SPOUT1: variants seen among roughly 807,000 people sequenced by gnomAD.
SPOUT1 encodes SPOUT domain containing methyltransferase 1, also known as 28S rRNA (uridine-N(3))-methyltransferase.
Under a neutral mutation model 54.8 loss-of-function variants are expected in SPOUT1, and 40 were observed. The observed-to-expected ratio is 0.73, with a 90% CI of 0.57 to 0.95. The LOEUF (loss-of-function observed/expected upper bound fraction) is 0.95. Ranked by LOEUF, SPOUT1 falls within the 40% of genes least tolerant of loss-of-function variation. SPOUT1 has a pLI of 0.00. For missense variants in SPOUT1, 437 were observed against 499.5 expected, an observed-to-expected ratio of 0.87 and a Z score of 1.19; for synonymous variants, 193 against 200.3, an observed-to-expected ratio of 0.96 and a Z score of 0.31.
intron 2 of SPOUT1, 66 bp downstream of exon 2, chr9:128,829,044 T>A (rs1830297201): frequency 6.5e-7 from 1 of 1,537,220 alleles, no homozygotes; most frequent in Non-Finnish European, 9.0e-7. Flanking sequence ...GGTGTCTTTC[T>A]CCAGGGTTTG....
intron 11 of SPOUT1, 43 bp from the exon 12 acceptor site, chr9:128,822,876 G>C: frequency 6.9e-7 from 1 of 1,448,950 alleles, no homozygotes; most frequent in Non-Finnish European, 9.5e-7. Context: ...TGGGGGGCTA[G>C]CGGGTGCCCC....
chr9:128,824,728 A>G (rs776267019), intron 9 of SPOUT1, 43 bp downstream of exon 9: 9 of 1,481,170 alleles, frequency 6.1e-6, no homozygotes, highest in Non-Finnish European at 8.5e-6. Context: ...GCCACCTCCC[A>G]GAGGGATGGA....
At position 128,826,487 on chromosome 9, in the gene SPOUT1, G is replaced by A; in HGVS notation, c.458+53C>T. 6.2e-7 allele frequency: 1 copy of A among 1,610,246 alleles called. No homozygotes were observed. The highest frequency in any genetic ancestry group is 8.5e-7 in the Non-Finnish European group (1 of 1,176,650). On this transcript the variant is annotated intron_variant, in intron 5 of 11. Coordinates refer to ENST00000361256, the MANE Select transcript of SPOUT1 (RefSeq NM_016390.4). The surrounding 1 kb of genome is among the most constrained non-coding windows in gnomAD (Gnocchi z 5.5). ...TCCCAGGGGAAGCCGCCTCCTACCTGGTCTCCACTTTGACACACCCCTCCC... is the reference window on the plus strand; with the variant it reads ...TCCCAGGGGAAGCCGCCTCCTACCTAGTCTCCACTTTGACACACCCCTCCC...
Position 128,821,116 on chromosome 9 carries a change from C to T in SPOUT1, c.*1649G>A, listed in dbSNP as rs1010318587. On this transcript the variant is annotated 3_prime_UTR_variant, in exon 12 of 12. Transcript: ENST00000361256. Reference sequence around the variant, plus strand: ...CCCCCGCTTCTCCCTGCTGTCACCTCTTGGCATGCCCACCCAATCTTGTTC... The same window carrying T: ...CCCCCGCTTCTCCCTGCTGTCACCTTTTGGCATGCCCACCCAATCTTGTTC... 3 of 515,848 alleles carry T rather than the reference C, an allele frequency of 5.8e-6. No homozygotes were observed. Among genetic ancestry groups the T allele is most frequent in the Admixed American group, 6.5e-5 (2 of 30,666 alleles). 32.0% of individuals were successfully genotyped at this position (515,848 alleles called of 1,614,324 possible).
intron 1 of SPOUT1, 27 bp from the exon 2 acceptor site, chr9:128,829,182 T>C (rs781622367): frequency 6.2e-7 from 1 of 1,604,890 alleles, no homozygotes; most frequent in Non-Finnish European, 8.5e-7. Context: ...AGGAGGATTA[T>C]GAGTGTGAGG....
At chr9:128,829,058 G>T in intron 2 of SPOUT1, 52 bp downstream of exon 2, 2 of 1,547,094 alleles carry the variant, frequency 1.3e-6, no homozygotes, top group South Asian at 1.1e-5. Flanking sequence ...GGGTTTGACT[G>T]AGCACTGGTG....
At chr9:128,825,457 G>A (rs1241150653) in intron 7 of SPOUT1, among the ~76,000 whole-genome samples, 3 of 152,124 alleles carry the variant, frequency 2.0e-5, no homozygotes, top group South Asian at 2.1e-4. Context: ...TTAGCCTCCC[G>A]AGTAGCTGGG....
intron 9 of SPOUT1, among the ~76,000 whole-genome samples, chr9:128,824,462 A>G (rs921354960): frequency 1.3e-5 from 2 of 152,176 alleles, no homozygotes; most frequent in African/African-American, 2.4e-5. Context: ...GGAACAGGGC[A>G]GAGACTGGAT....
rs1830127658 is a variant in SPOUT1 at position 128,821,949 on chromosome 9, T to C, written c.*816A>G. The C allele has an allele frequency of 8.4e-6, 2 of 238,228 alleles. No individual in the cohort carries two copies. Among genetic ancestry groups the C allele is most frequent in the Admixed American group, 1.0e-4 (2 of 19,540 alleles). 14.8% of individuals were successfully genotyped at this position (238,228 alleles called of 1,614,324 possible). On this transcript the variant is annotated 3_prime_UTR_variant, in exon 12 of 12. Transcript: ENST00000361256. ...AGCCCCCGTCCGGTGTCCTGGCACCTGTGCTGGTGCTGGGATATCACCTGT... is the reference window on the plus strand; with the variant it reads ...AGCCCCCGTCCGGTGTCCTGGCACCCGTGCTGGTGCTGGGATATCACCTGT...
intron 10 of SPOUT1, 88 bp downstream of exon 10, chr9:128,823,984 G>A: frequency 6.3e-7 from 1 of 1,578,204 alleles, no homozygotes; most frequent in Non-Finnish European, 8.7e-7. Flanking sequence ...ACCCCAGACA[G>A]CAGGGGCCCA....
chr9:128,822,632 T>C lies in SPOUT1; in HGVS notation c.*133A>G. 1.3e-6 allele frequency: 2 copies of C among 1,562,290 alleles called. No homozygotes were observed. The highest frequency in any genetic ancestry group is 1.2e-5 in the South Asian group (1 of 84,846). ...GTGAGGGTGGAGCCCAGTGAGACTGTGGGTGTGTGCAGGCCGGGGAGTATT... is the reference window on the plus strand; with the variant it reads ...GTGAGGGTGGAGCCCAGTGAGACTGCGGGTGTGTGCAGGCCGGGGAGTATT... On this transcript the variant is annotated 3_prime_UTR_variant, in exon 12 of 12. Transcript: ENST00000361256.
chr9:128,828,716 C>T lies in SPOUT1; in HGVS notation c.208+19G>A, dbSNP rs1206091230. The T allele has an allele frequency of 6.2e-7, 1 of 1,612,490 alleles. No homozygotes were observed. The highest frequency in any genetic ancestry group is 8.5e-7 in the Non-Finnish European group (1 of 1,179,956). On this transcript the variant is annotated intron_variant, in intron 3 of 11. Transcript: ENST00000361256. Reference sequence around the variant, plus strand: ...ACCGTGGGCCACAACCTGTGGCCCTCCCCAAGACCCCAGCTCACCGCGGTC... The same window carrying T: ...ACCGTGGGCCACAACCTGTGGCCCTTCCCAAGACCCCAGCTCACCGCGGTC...
rs1246329908 is a variant in SPOUT1, at chr9:128,821,659, GGCTGAGCA to G, written c.*1098_*1105del. On this transcript the variant is annotated 3_prime_UTR_variant, in exon 12 of 12. Transcript: ENST00000361256. ...CTGGGGCTGAGAGGCAACAGGTCCA[GGCTGAGCA>G]GCTCACTCTGGAATCCACAGGCTCG... 3.2e-5 allele frequency: 5 copies of G among 156,518 alleles called. No individual in the cohort carries two copies. The South Asian group carries it at 7.8e-4, about 24-fold the overall frequency. The allele number at this position is 156,518 out of a possible 1,614,324, so 9.7% of individuals were successfully genotyped here. A position where few individuals can be genotyped will look rare whatever the true frequency, so the allele number is the denominator to read the frequency against.
chr9:128,829,701 C>T (rs1307772421), intron 1 of SPOUT1, 44 bp downstream of exon 1: 5 of 1,479,258 alleles, frequency 3.4e-6, no homozygotes, highest in Non-Finnish European at 4.7e-6. Flanking sequence ...GTTCTCACGC[C>T]TCCACCATGC....
chr9:128,824,868 G>A lies in SPOUT1; in HGVS notation c.714C>T (p.Asp238=). ...TVRLNQQQHP[D]CKTYHGKVVS... Reference sequence around the variant, plus strand: ...CCACTTTGCCATGGTAGGTCTTGCAGTCTGGAGGGGTAACAGAGTCTGTAA... The same window carrying A: ...CCACTTTGCCATGGTAGGTCTTGCAATCTGGAGGGGTAACAGAGTCTGTAA... The change falls in exon 9 of 12, where the codon GAC becomes GAT. Residue 238 remains aspartate (D), a splice_region_variant and synonymous_variant. Transcript: ENST00000361256. 1 of 1,612,624 alleles carries A rather than the reference G, an allele frequency of 6.2e-7. No homozygotes were observed. The highest frequency in any genetic ancestry group is 1.1e-5 in the South Asian group (1 of 91,052).
In SPOUT1 at chr9:128,828,774, G is replaced by T. The variant is rs765647936; in HGVS notation, c.169C>A (p.Leu57Met). ...TCTGCCGCTGCCTCCTCCTCTTCCA[G>T]GCGCTTTGCCTGTTCCTCCTGTGCC... is the stretch of plus-strand genomic sequence containing the variant. ...QRAQEEQAKR[L>M]EEEEAAAEKE... The change falls in exon 3 of 12, where the codon CTG (leucine) becomes ATG (methionine). Residue 57 changes from leucine to methionine, a missense_variant. Coordinates refer to ENST00000361256, the MANE Select transcript of SPOUT1 (RefSeq NM_016390.4). The T allele has an allele frequency of 5.6e-6, 9 of 1,614,006 alleles. No homozygotes were observed. In the African/African-American group the frequency reaches 9.3e-5, roughly 17 times the overall value.
rs557376121 is a variant in SPOUT1, at chr9:128,826,918, G to C, written c.368+114C>G. 35 of 1,115,960 alleles carry C rather than the reference G, an allele frequency of 3.1e-5. No homozygotes were observed. Among genetic ancestry groups the C allele is most frequent in the South Asian group, 2.7e-4 (19 of 71,378 alleles). 69.1% of individuals were successfully genotyped at this position (1,115,960 alleles called of 1,614,324 possible). A position where few individuals can be genotyped will look rare whatever the true frequency, so the allele number is the denominator to read the frequency against. On this transcript the variant is annotated intron_variant, in intron 4 of 11. Coordinates refer to ENST00000361256, the MANE Select transcript of SPOUT1 (RefSeq NM_016390.4). This position sits in a 1 kb window ranked among gnomAD's most constrained non-coding sequence, Gnocchi z 5.5. ...AAGGATTACACAGGGAATATTTCAG[G>C]CAGGGCACGAGGGAAGAGCCAGGCA...
chr9:128,828,609 C>T, intron 3 of SPOUT1, 126 bp downstream of exon 3: 1 of 1,008,518 alleles, frequency 9.9e-7, no homozygotes, highest in Non-Finnish European at 1.5e-6. Flanking sequence ...CTCAGTTTCT[C>T]CATCAGGACA....
At position 128,822,396 on chromosome 9, in the gene SPOUT1, C is replaced by A. The variant is rs1181284539; in HGVS notation, c.*369G>T. 1 of 1,612,906 alleles carries A rather than the reference C, an allele frequency of 6.2e-7. No individual in the cohort carries two copies. Among genetic ancestry groups the A allele is most frequent in the African/African-American group, 1.3e-5 (1 of 75,040 alleles). ...GGCAAGAACCACGTGGCAGTGCCCA[C>A]ACACTTCTTCAAGGTGCTGATCCTG... is the stretch of plus-strand genomic sequence containing the variant. On this transcript the variant is annotated 3_prime_UTR_variant, in exon 12 of 12. Coordinates refer to ENST00000361256, the MANE Select transcript of SPOUT1 (RefSeq NM_016390.4).
Sources: gnomAD v4.1 joint callset for allele counts (sites outside exome capture counted in the v4.1 genomes callset) on GRCh38, gnomAD v4.1.1 for gene constraint, Gnocchi (gnomAD v3.1) non-coding constraint, MANE v1.5 for transcripts, NCBI Gene and HGNC (gene_info 2026-07-23, HGNC 2026-07-21) for gene names.